Variants in DNAH3 observed in about 807,000 individuals in gnomAD.
DNAH3 encodes dynein axonemal heavy chain 3, also known as axonemal beta dynein heavy chain 3.
In DNAH3, 332 loss-of-function variants were observed where a neutral mutation model predicts 432.5. The observed-to-expected ratio is 0.77, with a 90% CI of 0.70 to 0.84. DNAH3 has a LOEUF of 0.84. Among genes scored for constraint, DNAH3 ranks in the 40% least tolerant of loss-of-function variants. The probability of loss-of-function intolerance (pLI) is 0.00; values close to 1 mark genes in which losing one functional copy is unlikely to be tolerated. For synonymous variants in DNAH3, 1,956 were observed against 1,900.2 expected (o/e 1.03, Z -0.76); for missense variants, 4,861 against 5,114.0 (o/e 0.95, Z 1.51).
At chr16:21,023,910 A>G (rs1366681282) in intron 39 of DNAH3, among the ~76,000 whole-genome samples, 1 of 152,116 alleles carries the variant, frequency 6.6e-6, no homozygotes, top group South Asian at 2.1e-4. Context: ...GCCGTCCTAC[A>G]TAATCTCCCA....
intron 20 of DNAH3, among the ~76,000 whole-genome samples, chr16:21,080,811 C>G (rs1355790372): frequency 6.6e-6 from 1 of 152,172 alleles, no homozygotes; most frequent in East Asian, 1.9e-4. Flanking sequence ...CAAGTAGGGT[C>G]CTGAGAAGCT....
At chr16:21,088,271 G>A (rs1166828455) in intron 18 of DNAH3, among the ~76,000 whole-genome samples, 1 of 152,158 alleles carries the variant, frequency 6.6e-6, no homozygotes, top group Non-Finnish European at 1.5e-5. Flanking sequence ...AGGCACCTAC[G>A]CAACAAGTGA....
At chr16:21,050,551 A>T (rs1341067053) in intron 29 of DNAH3, among the ~76,000 whole-genome samples, 1 of 152,132 alleles carries the variant, frequency 6.6e-6, no homozygotes, top group East Asian at 1.9e-4. Context: ...TGATACTCCC[A>T]TCTCAGCCTC....
exon 49 of DNAH3, chr16:20,982,816 C>A: frequency 1.2e-6 from 2 of 1,614,116 alleles, no homozygotes; most frequent in Non-Finnish European, 1.7e-6. Context: ...ACCAATCAAT[C>A]GTACAGCAAT....
chr16:20,999,947 G>C (rs56962160), intron 43 of DNAH3, among the ~76,000 whole-genome samples: 4,936 of 144,660 alleles, frequency 0.034, 95 homozygotes, highest in Middle Eastern at 0.066. Flanking sequence ...CCACTACAAG[G>C]AAGAGAGGAA....
chr16:21,119,543 T>TG (rs1344759656), intron 11 of DNAH3, among the ~76,000 whole-genome samples: 2 of 150,954 alleles, frequency 1.3e-5, no homozygotes, highest in African/African-American at 4.9e-5. Context: ...GATGGGAGGA[T>TG]GGCTTGAGCC....
At chr16:21,040,619 G>C (rs2152732373) in intron 32 of DNAH3, among the ~76,000 whole-genome samples, 1 of 151,994 alleles carries the variant, frequency 6.6e-6, no homozygotes, top group Non-Finnish European at 1.5e-5. Context: ...AACAGCCTCA[G>C]CCTCCCAAAG....
At chr16:21,072,828 T>TTATTATTATTATTATTATTATTATTAC (rs1311576750) in intron 21 of DNAH3, among the ~76,000 whole-genome samples, 1 of 147,474 alleles carries the variant, frequency 6.8e-6, no homozygotes, top group African/African-American at 2.5e-5. Context: ...ATTATTATTA[T>TTATTATTATTATTATTATTATTATTAC]TATTATTATT....
At chr16:21,026,558 G>A (rs573240613) in intron 38 of DNAH3, among the ~76,000 whole-genome samples, 23 of 151,912 alleles carry the variant, frequency 1.5e-4, no homozygotes, top group South Asian at 8.3e-4. Context: ...AAAATTAGCC[G>A]AGGGTGGTGG....
chr16:20,944,970 A>G (rs1343301699), intron 57 of DNAH3, among the ~76,000 whole-genome samples: 4 of 152,150 alleles, frequency 2.6e-5, no homozygotes, highest in African/African-American at 9.7e-5. Flanking sequence ...GCTCCATCCC[A>G]AACTGTCAGA....
At chr16:20,957,808 CAAAA>C (rs762197650) in intron 54 of DNAH3, among the ~76,000 whole-genome samples, 4 of 53,286 alleles carry the variant, frequency 7.5e-5, no homozygotes, top group East Asian at 4.7e-4. Context: ...ACTCCATCTC[CAAAA>C]AAAAAAAAAA....
At chr16:20,966,245 G>A (rs2085058953) in intron 52 of DNAH3, among the ~76,000 whole-genome samples, 1 of 149,408 alleles carries the variant, frequency 6.7e-6, no homozygotes, top group South Asian at 2.1e-4. Flanking sequence ...CACCATGTTG[G>A]ACAGGCTGGT....
In DNAH3 at chr16:21,023,786, G is replaced by GTGTGTGTGTGTGTGTGT. The variant is rs1567654144; in HGVS notation, c.5646+809_5646+810insACACACACACACACACA. Among the ~76,000 whole-genome samples the GTGTGTGTGTGTGTGTGT allele has an allele frequency of 8.0e-4, 117 of 146,482 alleles. 1 individual carries two copies. Among genetic ancestry groups the GTGTGTGTGTGTGTGTGT allele is most frequent in the African/African-American group, 2.5e-3 (101 of 39,676 alleles). On this transcript the variant is annotated intron_variant, in intron 39 of 61. Coordinates refer to ENST00000261383, the Ensembl canonical transcript of DNAH3. ...TATATGGGGACTTGGCAGCTTTTGG[G>GTGTGTGTGTGTGTGTGT]GTGTGTGTGTGTGTGTGTGTGTGTG...
At chr16:20,960,939 G>A (rs534720966) in intron 53 of DNAH3, among the ~76,000 whole-genome samples, 7 of 152,138 alleles carry the variant, frequency 4.6e-5, no homozygotes, top group Non-Finnish European at 2.9e-5. Context: ...CCAGAATGGC[G>A]ACCCCCACCT....
chr16:21,106,607 C>T, exon 15 of DNAH3: 1 of 1,610,516 alleles, frequency 6.2e-7, no homozygotes, highest in Non-Finnish European at 8.5e-7. Flanking sequence ...ATGAGGGATA[C>T]CAGCTCCTTA....
chr16:21,119,146 C>T (rs984741047), intron 11 of DNAH3, among the ~76,000 whole-genome samples: 25 of 152,082 alleles, frequency 1.6e-4, no homozygotes, highest in African/African-American at 5.8e-4. Flanking sequence ...CTGGTCAATG[C>T]GTGAATGAAA....
rs565676574 is a variant in DNAH3, at chr16:20,991,829, T to C, written c.6602-3764A>G. ...CATAGGTGGTGGTGTGTTCTTTCAT[T>C]GGAAAGTACTCAATAATGTTTCTCC... On this transcript the variant is annotated intron_variant, in intron 44 of 61. Transcript: ENST00000261383. Among the ~76,000 whole-genome samples, 500 of 152,340 alleles carry C rather than the reference T, an allele frequency of 3.3e-3. 2 individuals carry two copies. Among genetic ancestry groups the C allele is most frequent in the African/African-American group, 0.011 (471 of 41,582 alleles).
chr16:20,934,576 G>A (rs188163564), intron 61 of DNAH3, among the ~76,000 whole-genome samples: 1 of 152,268 alleles, frequency 6.6e-6, no homozygotes, highest in South Asian at 2.1e-4. Context: ...TGGAATGGGT[G>A]TATGGGTACT....
chr16:21,118,724 C>A (rs879503214), intron 11 of DNAH3, among the ~76,000 whole-genome samples: 16 of 152,136 alleles, frequency 1.1e-4, no homozygotes, highest in Non-Finnish European at 2.1e-4. Context: ...TGTATATGAA[C>A]CCTGGCCCTC....
Sources: gnomAD v4.1 joint callset for allele counts (sites outside exome capture counted in the v4.1 genomes callset) on GRCh38, gnomAD v4.1.1 for gene constraint, MANE v1.5 for transcripts, NCBI Gene and HGNC (gene_info 2026-07-23, HGNC 2026-07-21) for gene names.